The following LHFPL3 variants were observed in gnomAD, a reference collection of about 807,000 sequenced individuals.
LHFPL3 encodes LHFPL tetraspan subfamily member 3 protein.
In LHFPL3, 5 loss-of-function variants were observed where a neutral mutation model predicts 19.3. That is an observed-to-expected ratio of 0.26 (90% CI 0.14 to 0.54). The LOEUF is 0.54. LHFPL3 is among the 20% of genes least tolerant of loss of function. The pLI is 0.94. For synonymous variants in LHFPL3, 133 were observed against 126.2 expected, an observed-to-expected ratio of 1.05 and a Z score of -0.36; for missense variants, 249 against 307.4, an observed-to-expected ratio of 0.81 and a Z score of 1.42.
intron 1 of LHFPL3, among the ~76,000 whole-genome samples, chr7:104,655,092 C>T (rs559744187): frequency 6.6e-6 from 1 of 152,216 alleles, no homozygotes; most frequent in Non-Finnish European, 1.5e-5. Context: ...TCCACTCCCT[C>T]CCTCTATCTG....
intron 1 of LHFPL3, among the ~76,000 whole-genome samples, chr7:104,515,895 T>A (rs1290413408): frequency 6.6e-6 from 1 of 152,118 alleles, no homozygotes; most frequent in Admixed American, 6.6e-5. Flanking sequence ...CACATTTTCC[T>A]TTCTTCTTCT....
chr7:104,700,552 A>G (rs1793084341), intron 1 of LHFPL3, among the ~76,000 whole-genome samples: 1 of 152,148 alleles, frequency 6.6e-6, no homozygotes, highest in Non-Finnish European at 1.5e-5. Context: ...TTATTTGTTG[A>G]GTCTAAAAGT....
At chr7:104,559,442 A>G (rs1789935863) in intron 1 of LHFPL3, among the ~76,000 whole-genome samples, 1 of 149,332 alleles carries the variant, frequency 6.7e-6, no homozygotes, top group African/African-American at 2.5e-5. Context: ...CTTTGAAGCA[A>G]TTGTGAATGG....
chr7:104,437,990 C>T (rs975537018), intron 1 of LHFPL3, among the ~76,000 whole-genome samples: 4 of 152,168 alleles, frequency 2.6e-5, no homozygotes, highest in African/African-American at 4.8e-5. Flanking sequence ...AGCCACCATA[C>T]AGGAGTCCAT....
At chr7:104,851,791 G>A (rs1034715874) in intron 2 of LHFPL3, among the ~76,000 whole-genome samples, 6 of 152,084 alleles carry the variant, frequency 3.9e-5, no homozygotes, top group Admixed American at 6.6e-5. Flanking sequence ...GAGACTTGGC[G>A]CTGAAGCTCC....
chr7:104,824,613 T>C (rs1243251222), intron 2 of LHFPL3, among the ~76,000 whole-genome samples: 2 of 79,398 alleles, frequency 2.5e-5, no homozygotes, highest in Non-Finnish European at 4.2e-5. Flanking sequence ...TATATAATTA[T>C]ATATATTATT....
chr7:104,757,159 G>A (rs535858463), intron 2 of LHFPL3, among the ~76,000 whole-genome samples: 30 of 152,068 alleles, frequency 2.0e-4, no homozygotes, highest in Admixed American at 9.2e-4. Context: ...AGCAATATGC[G>A]GAAGAATCAA....
intron 1 of LHFPL3, among the ~76,000 whole-genome samples, chr7:104,392,286 A>C (rs1158218428): frequency 9.2e-5 from 14 of 151,820 alleles, no homozygotes; most frequent in Non-Finnish European, 1.5e-4. Context: ...GAATGCTTCC[A>C]GTTTTTGCCC....
intron 2 of LHFPL3, among the ~76,000 whole-genome samples, chr7:104,777,295 T>C (rs1306114872): frequency 4.6e-5 from 7 of 152,338 alleles, no homozygotes; most frequent in African/African-American, 1.2e-4. Context: ...CATTCTGTGA[T>C]AGGTTTGAGC....
intron 1 of LHFPL3, among the ~76,000 whole-genome samples, chr7:104,491,466 C>CA (rs1390622228): frequency 2.9e-5 from 4 of 138,774 alleles, no homozygotes; most frequent in African/African-American, 9.9e-5. Context: ...AGAATTTTTC[C>CA]ATGTAAAAAA....
At chr7:104,595,403 A>C (rs1039132459) in intron 1 of LHFPL3, among the ~76,000 whole-genome samples, 1 of 152,214 alleles carries the variant, frequency 6.6e-6, no homozygotes, top group Non-Finnish European at 1.5e-5. Context: ...CAGAACAGCA[A>C]ATATTGCTGC....
chr7:104,402,453 C>T (rs963987306), intron 1 of LHFPL3, among the ~76,000 whole-genome samples: 2 of 152,168 alleles, frequency 1.3e-5, no homozygotes, highest in African/African-American at 4.8e-5. Context: ...TTCATCGAGC[C>T]TTATAAACTA....
At chr7:104,782,621 A>G (rs1789832144) in intron 2 of LHFPL3, among the ~76,000 whole-genome samples, 1 of 152,240 alleles carries the variant, frequency 6.6e-6, no homozygotes, top group Admixed American at 6.5e-5. Flanking sequence ...TGAAGCCAGA[A>G]CAACCTTTCT....
chr7:104,566,771 G>T (rs897043389), intron 1 of LHFPL3, among the ~76,000 whole-genome samples: 2 of 152,142 alleles, frequency 1.3e-5, no homozygotes, highest in African/African-American at 4.8e-5. Flanking sequence ...ACAAGATTGA[G>T]CTAGCCCCCT....
intron 1 of LHFPL3, among the ~76,000 whole-genome samples, chr7:104,451,811 C>T (rs1347705137): frequency 6.6e-6 from 1 of 151,972 alleles, no homozygotes; most frequent in African/African-American, 2.4e-5. Flanking sequence ...GTGGCATGAT[C>T]TCGGCTCACT....
rs999686116 is a variant in LHFPL3, at chr7:104,399,697, C to G, written c.445+70473C>G. ...CCATATTGGCCAGGCTGGTCTTGAA[C>G]TCCCAACCTCGTGCTCCGCCCACCT... On this transcript the variant is annotated intron_variant, in intron 1 of 2. Transcript: ENST00000424859. The surrounding 1 kb of genome is among the most constrained non-coding windows in gnomAD (Gnocchi z 4.4). 6.8e-6 allele frequency among the ~76,000 whole-genome samples: 1 copy of G among 146,960 alleles called. No individual in the cohort carries two copies.
At chr7:104,542,293 T>A (rs1794500604) in intron 1 of LHFPL3, among the ~76,000 whole-genome samples, 1 of 152,008 alleles carries the variant, frequency 6.6e-6, no homozygotes, top group Admixed American at 6.6e-5. Flanking sequence ...TGACTTTGTT[T>A]CCCTAAGCAA....
intron 2 of LHFPL3, among the ~76,000 whole-genome samples, chr7:104,845,191 G>A (rs116436866): frequency 3.7e-4 from 57 of 152,324 alleles, no homozygotes; most frequent in African/African-American, 1.3e-3. Context: ...CAGGACTAAA[G>A]TATGAACCAG....
At chr7:104,493,261 C>CT (rs1793392819) in intron 1 of LHFPL3, among the ~76,000 whole-genome samples, 1 of 152,152 alleles carries the variant, frequency 6.6e-6, no homozygotes, top group Middle Eastern at 3.4e-3. Flanking sequence ...TTTCCTAGTT[C>CT]TTCTACTTCT....
Sources: allele counts gnomAD v4.1 joint callset (sites outside exome capture counted in the v4.1 genomes callset), GRCh38; gene constraint gnomAD v4.1.1; non-coding constraint Gnocchi (gnomAD v3.1); transcripts MANE v1.5; gene names NCBI Gene and HGNC (gene_info 2026-07-23, HGNC 2026-07-21).